KCNT2: variants seen among roughly 807,000 people sequenced by gnomAD.
KCNT2 encodes potassium sodium-activated channel subfamily T member 2.
Under a neutral mutation model 153.8 loss-of-function variants are expected in KCNT2, and 67 were observed. The ratio of observed to expected loss-of-function variants is 0.44; its 90% CI spans 0.36 to 0.53. The LOEUF is 0.53. KCNT2 is among the 20% of genes least tolerant of loss of function. The probability of loss-of-function intolerance (pLI) is 0.00; values close to 1 mark genes in which losing one functional copy is unlikely to be tolerated. For missense variants in KCNT2, 975 were observed against 1,354.8 expected (o/e 0.72, Z 4.40); for synonymous variants, 500 against 458.8 (o/e 1.09, Z -1.15).
intron 22 of KCNT2, among the ~76,000 whole-genome samples, chr1:196,287,185 C>A (rs1222824607): frequency 6.6e-6 from 1 of 152,014 alleles, no homozygotes; most frequent in Non-Finnish European, 1.5e-5. Context: ...CTAATATATT[C>A]TCTAATTTAT....
At chr1:196,551,313 G>C (rs1657870194) in intron 1 of KCNT2, among the ~76,000 whole-genome samples, 1 of 151,766 alleles carries the variant, frequency 6.6e-6, no homozygotes, top group African/African-American at 2.4e-5. Context: ...TTTATATTTG[G>C]AATTGCTTGT....
At chr1:196,538,370 T>C (rs1340434325) in intron 1 of KCNT2, among the ~76,000 whole-genome samples, 1 of 152,082 alleles carries the variant, frequency 6.6e-6, no homozygotes, top group East Asian at 1.9e-4. Flanking sequence ...AATTGTTAGG[T>C]TCTAACTGAG....
chr1:196,581,616 C>T (rs529520810), intron 1 of KCNT2, among the ~76,000 whole-genome samples: 5 of 151,856 alleles, frequency 3.3e-5, no homozygotes, highest in Non-Finnish European at 7.4e-5. Context: ...CCACAAGTAT[C>T]CTAAGGAGAT....
chr1:196,518,436 T>C (rs1252414676), intron 1 of KCNT2, among the ~76,000 whole-genome samples: 2 of 146,116 alleles, frequency 1.4e-5, no homozygotes, highest in Non-Finnish European at 3.0e-5. Flanking sequence ...GGAAACAGGC[T>C]AAATCTCACC....
chr1:196,318,179 C>A (rs773416020), intron 20 of KCNT2, among the ~76,000 whole-genome samples: 1 of 151,560 alleles, frequency 6.6e-6, no homozygotes, highest in Non-Finnish European at 1.5e-5. Context: ...GCAAAGCCTC[C>A]CTTTCTATCC....
At chr1:196,228,377 T>C in intron 27 of KCNT2, 42 bp from the exon 28 acceptor site, 2 of 994,180 alleles carry the variant, frequency 2.0e-6, no homozygotes, top group Non-Finnish European at 3.1e-6. Flanking sequence ...CAATAGTAAA[T>C]ACAGGCAACA....
At chr1:196,245,174 T>A (rs535102328) in intron 26 of KCNT2, among the ~76,000 whole-genome samples, 12 of 152,222 alleles carry the variant, frequency 7.9e-5, no homozygotes, top group African/African-American at 2.9e-4. Flanking sequence ...ATGGCTGCAG[T>A]GACCAAAAAC....
chr1:196,406,320 G>T (rs975252335), intron 12 of KCNT2, among the ~76,000 whole-genome samples: 1 of 151,356 alleles, frequency 6.6e-6, no homozygotes, highest in Admixed American at 6.6e-5. Flanking sequence ...GATGTCTTTA[G>T]AGAAGTATGC....
chr1:196,382,395 C>G (rs1328303476), intron 13 of KCNT2, among the ~76,000 whole-genome samples: 26 of 152,074 alleles, frequency 1.7e-4, no homozygotes, highest in Admixed American at 1.7e-3. Flanking sequence ...ACGTGAGCCA[C>G]CGCGCCCGGC....
At chr1:196,361,782 T>G (rs1667643442) in intron 14 of KCNT2, among the ~76,000 whole-genome samples, 1 of 152,128 alleles carries the variant, frequency 6.6e-6, no homozygotes, top group Non-Finnish European at 1.5e-5. Flanking sequence ...AATCTATTAA[T>G]GAAAACAGAG....
chr1:196,462,669 A>G (rs1278583595), intron 8 of KCNT2, among the ~76,000 whole-genome samples: 1 of 151,730 alleles, frequency 6.6e-6, no homozygotes, highest in Non-Finnish European at 1.5e-5. Flanking sequence ...CTTTATATCT[A>G]ATTTAATCCT....
intron 1 of KCNT2, among the ~76,000 whole-genome samples, chr1:196,579,868 T>C (rs902862383): frequency 2.0e-5 from 3 of 152,118 alleles, no homozygotes; most frequent in East Asian, 3.9e-4. Context: ...ACAGCTTTCA[T>C]TGGTGATACA....
chr1:196,562,620 TG>T (rs1558081337), intron 1 of KCNT2, among the ~76,000 whole-genome samples: 3 of 151,552 alleles, frequency 2.0e-5, no homozygotes, highest in South Asian at 2.1e-4. Context: ...TTGAGGGAAC[TG>T]GGGGAAAAAA....
At chr1:196,400,183 C>A (rs755523037) in intron 12 of KCNT2, among the ~76,000 whole-genome samples, 1 of 150,620 alleles carries the variant, frequency 6.6e-6, no homozygotes, top group African/African-American at 2.4e-5. Context: ...ATTTTACATG[C>A]TTTTAAATCT....
At chr1:196,258,577 A>AAATTGT (rs1656722615) in intron 25 of KCNT2, 83 bp from the exon 26 acceptor site, 4 of 1,026,708 alleles carry the variant, frequency 3.9e-6, no homozygotes, top group Non-Finnish European at 5.7e-6. Flanking sequence ...ATTTGCTAAT[A>AAATTGT]TATTGTTATA....
chr1:196,490,025 A>C, intron 2 of KCNT2, 88 bp from the exon 3 acceptor site: 1 of 610,936 alleles, frequency 1.6e-6, no homozygotes, highest in East Asian at 3.0e-5. Flanking sequence ...AAATTTAAAT[A>C]CAGCACTTAA....
chr1:196,537,724 C>A (rs1239730963), intron 1 of KCNT2, among the ~76,000 whole-genome samples: 1 of 152,186 alleles, frequency 6.6e-6, no homozygotes, highest in Non-Finnish European at 1.5e-5. Flanking sequence ...GCTCCGGAGA[C>A]AACTGTCTCC....
intron 26 of KCNT2, among the ~76,000 whole-genome samples, chr1:196,239,710 G>T (rs1204066089): frequency 1.3e-5 from 2 of 151,938 alleles, no homozygotes; most frequent in Non-Finnish European, 2.9e-5. Flanking sequence ...ATTTGTGTAG[G>T]TTACCATTAA....
intron 22 of KCNT2, among the ~76,000 whole-genome samples, chr1:196,291,807 G>A (rs756095472): frequency 6.6e-6 from 1 of 152,068 alleles, no homozygotes; most frequent in Non-Finnish European, 1.5e-5. Flanking sequence ...GATATCATAG[G>A]TCATGGTAGC....
Sources: gnomAD v4.1 joint callset for allele counts (sites outside exome capture counted in the v4.1 genomes callset) on GRCh38, gnomAD v4.1.1 for gene constraint, MANE v1.5 for transcripts, NCBI Gene and HGNC (gene_info 2026-07-23, HGNC 2026-07-21) for gene names.